PCSK4: variants seen among roughly 807,000 people sequenced by gnomAD.
The protein encoded by PCSK4 is testicular tissue protein Li 135.
Under a neutral mutation model 80.3 loss-of-function variants are expected in PCSK4, and 64 were observed. That is an observed-to-expected ratio of 0.80 (90% CI 0.65 to 0.98). The LOEUF (loss-of-function observed/expected upper bound fraction) is 0.98, where lower values mean the gene tolerates loss of function less well. Among genes scored for constraint, PCSK4 ranks in the 50% least tolerant of loss-of-function variants. The pLI is 0.00. For synonymous variants in PCSK4, 561 were observed against 487.6 expected (o/e 1.15, Z -1.98); for missense variants, 1,213 against 1,093.6 (o/e 1.11, Z -1.54).
exon 1 of PCSK4, chr19:1,490,383 T>C (rs978922938): frequency 8.9e-6 from 7 of 790,760 alleles, no homozygotes; most frequent in Non-Finnish European, 1.3e-5. Flanking sequence ...GCAAATCCCC[T>C]CCCTCCCGCC....
intron 9 of PCSK4, 35 bp from the exon 10 acceptor site, chr19:1,483,976 CG>C: frequency 1.4e-6 from 2 of 1,448,032 alleles, no homozygotes; most frequent in Non-Finnish European, 1.8e-6. Context: ...GGTGAGCCGC[CG>C]GGCCGCGCCT....
At chr19:1,487,714 C>T (rs371717112) in intron 5 of PCSK4, 23 bp from the exon 6 acceptor site, 1 of 1,550,642 alleles carries the variant, frequency 6.4e-7, no homozygotes, top group Non-Finnish European at 8.7e-7. Flanking sequence ...CCAAGAGGGG[C>T]TCCTGTCACG....
chr19:1,483,590 C>A, intron 11 of PCSK4, 60 bp downstream of exon 11: 1 of 1,455,762 alleles, frequency 6.9e-7, no homozygotes, highest in Non-Finnish European at 9.3e-7. Flanking sequence ...TAAACTGAGG[C>A]CTCAGGCCTG....
intron 12 of PCSK4, 64 bp downstream of exon 12, chr19:1,483,220 G>T (rs1157879409): frequency 1.4e-6 from 2 of 1,433,720 alleles, no homozygotes; most frequent in Admixed American, 2.3e-5. Flanking sequence ...AGGACACTCC[G>T]GGTAGATGGC....
At chr19:1,487,664 C>T (rs769025872) in exon 6 of PCSK4, 4 of 1,555,514 alleles carry the variant, frequency 2.6e-6, no homozygotes, top group Middle Eastern at 1.7e-4. Flanking sequence ...CCATCGCGGC[C>T]ACCTCCCCAG....
At chr19:1,486,939 G>C in exon 8 of PCSK4, 1 of 1,606,660 alleles carries the variant, frequency 6.2e-7, no homozygotes, top group Non-Finnish European at 8.5e-7. Context: ...ACGCGGCCCT[G>C]CTGGGTGGTG....
At position 1,484,404 on chromosome 19, in the gene PCSK4, T is replaced by C. The variant is rs1299404107; in HGVS notation, c.1069-277A>G. Among the ~76,000 whole-genome samples, 1 of 151,610 alleles carries C rather than the reference T, an allele frequency of 6.6e-6. No homozygotes were observed. The highest frequency in any genetic ancestry group is 1.9e-4 in the East Asian group (1 of 5,162). ...CGGGAGGCTGACACAGGAGAATCAC[T>C]TGAACCCGACAGGCAGAGGTTGCAG... On this transcript the variant is annotated intron_variant, in intron 8 of 14. Transcript: ENST00000300954.
At chr19:1,487,264 C>A in exon 7 of PCSK4, 1 of 1,602,608 alleles carries the variant, frequency 6.2e-7, no homozygotes, top group Non-Finnish European at 8.5e-7. Flanking sequence ...GCAGGCTCAG[C>A]GACTGGGCCT....
chr19:1,490,449 A>G (rs2084891507), upstream of PCSK4: 1 of 554,988 alleles, frequency 1.8e-6, no homozygotes, highest in East Asian at 3.3e-5. Context: ...AGCAACGCAG[A>G]AGGCTTCGAC....
chr19:1,484,063 A>G, exon 9 of PCSK4: 1 of 1,562,912 alleles, frequency 6.4e-7, no homozygotes, highest in Non-Finnish European at 8.7e-7. Flanking sequence ...GCCGGCCGCC[A>G]GTGGGGCTGA....
chr19:1,487,695 G>A lies in PCSK4; in HGVS notation c.594-4C>T, dbSNP rs1336195348. On this transcript the variant is annotated splice_region_variant and splice_polypyrimidine_tract_variant and intron_variant, in intron 5 of 14. Coordinates refer to ENST00000300954, the Ensembl canonical transcript of PCSK4. ...CCCAGCACAGCGGGTCCCGTGCCTG[G>A]TGCCAGGGCCAAGAGGGGCTCCTGT... is the stretch of plus-strand genomic sequence containing the variant. 1.3e-6 allele frequency: 2 copies of A among 1,553,570 alleles called. No homozygotes were observed. The highest frequency in any genetic ancestry group is 1.7e-6 in the Non-Finnish European group (2 of 1,148,828).
At chr19:1,489,924 C>CCCACCCATCGGT in intron 1 of PCSK4, 27 bp from the exon 2 acceptor site, 1 of 1,578,478 alleles carries the variant, frequency 6.3e-7, no homozygotes, top group South Asian at 1.2e-5. Flanking sequence ...GCGGCCGCAC[C>CCCACCCATCGGT]GATGGGACCC....
upstream of PCSK4, chr19:1,490,824 C>T (rs558655190): frequency 1.1e-3 from 201 of 184,068 alleles, no homozygotes; most frequent in Admixed American, 1.6e-3. Context: ...CTCCACTGGT[C>T]TCGCCAATGA....
exon 15 of PCSK4, chr19:1,481,603 C>A: frequency 1.9e-6 from 1 of 518,422 alleles, no homozygotes; most frequent in Non-Finnish European, 3.4e-6. Context: ...CTCTCTCTCT[C>A]CCGCCAGGCT....
Position 1,482,316 on chromosome 19 carries a change from G to A in PCSK4, c.1819+37C>T, listed in dbSNP as rs145661644. 5,435 of 1,534,076 alleles carry A rather than the reference G, an allele frequency of 3.5e-3. 111 individuals carry two copies. In the African/African-American group the frequency reaches 0.051, roughly 14 times the overall value. ...CACGCTGCCCACGGTGGCCGCCACC[G>A]CCTCCCAGCAGTGGGCCCTGCCCCG... On this transcript the variant is annotated intron_variant, in intron 14 of 14. Coordinates refer to ENST00000300954, the Ensembl canonical transcript of PCSK4.
exon 2 of PCSK4, chr19:1,489,886 G>C: frequency 6.2e-7 from 1 of 1,608,450 alleles, no homozygotes; most frequent in Non-Finnish European, 8.5e-7. Context: ...AGTACTGCCC[G>C]TCAGGGAAGA....
chr19:1,489,429 G>C (rs1043037550), intron 2 of PCSK4, among the ~76,000 whole-genome samples: 2 of 152,108 alleles, frequency 1.3e-5, no homozygotes, highest in African/African-American at 4.8e-5. Flanking sequence ...CCACCGCGCC[G>C]GGCCAAGCCT....
chr19:1,483,927 C>CACGTCAGGA, exon 10 of PCSK4: 1 of 1,472,188 alleles, frequency 6.8e-7, no homozygotes, highest in Non-Finnish European at 8.9e-7. Flanking sequence ...CATGTCTCTC[C>CACGTCAGGA]ACGTCAGGAA....
exon 2 of PCSK4, chr19:1,489,828 A>G: frequency 6.2e-7 from 1 of 1,606,524 alleles, no homozygotes; most frequent in Non-Finnish European, 8.5e-7. Context: ...CGGTGGCCCC[A>G]GTGCGGGGTC....
Sources: gnomAD v4.1 joint callset for allele counts (sites outside exome capture counted in the v4.1 genomes callset) on GRCh38, gnomAD v4.1.1 for gene constraint, MANE v1.5 for transcripts, NCBI Gene and HGNC (gene_info 2026-07-23, HGNC 2026-07-21) for gene names.